The following PPFIBP2 variants were observed in gnomAD, a reference collection of about 807,000 sequenced individuals.
The protein encoded by PPFIBP2 is liprin-beta-2.
A neutral mutation model predicts 118.3 loss-of-function variants in PPFIBP2; 118 were observed. The observed-to-expected ratio is 1.00, with a 90% confidence interval of 0.86 to 1.16. The LOEUF is 1.16. PPFIBP2 is among the 50% of genes most tolerant of loss of function. The pLI is 0.00. For missense variants in PPFIBP2, 1,195 were observed against 1,073.1 expected, an observed-to-expected ratio of 1.11 and a Z score of -1.59; for synonymous variants, 414 against 397.4, an observed-to-expected ratio of 1.04 and a Z score of -0.50.
At chr11:7,516,543 GACA>G (rs1352992556) in intron 1 of PPFIBP2, among the ~76,000 whole-genome samples, 2 of 152,268 alleles carry the variant, frequency 1.3e-5, no homozygotes, top group Non-Finnish European at 2.9e-5. Flanking sequence ...CCTGCCAACA[GACA>G]ACATGAGGCG....
intron 1 of PPFIBP2, among the ~76,000 whole-genome samples, chr11:7,519,009 G>T (rs1025497099): frequency 2.6e-5 from 4 of 152,198 alleles, no homozygotes; most frequent in Non-Finnish European, 4.4e-5. Flanking sequence ...CTTCAGGAGA[G>T]GGCAGTGAGG....
At chr11:7,600,879 G>A (rs1049478054) in intron 5 of PPFIBP2, among the ~76,000 whole-genome samples, 1 of 152,188 alleles carries the variant, frequency 6.6e-6, no homozygotes, top group Non-Finnish European at 1.5e-5. Flanking sequence ...AATATTAGCA[G>A]CTAATTTAAG....
In PPFIBP2 at chr11:7,580,784, CAG is replaced by C. The variant is rs143404213; in HGVS notation, c.280-12347_280-12346del. Reference sequence around the variant, plus strand: ...ACCACATACAGGCTTTATGAGGACTCAGTAAGATAGTACGATTAGTGCAGTAT... The same window carrying C: ...ACCACATACAGGCTTTATGAGGACTCTAAGATAGTACGATTAGTGCAGTAT... On this transcript the variant is annotated intron_variant, in intron 3 of 23. Transcript: ENST00000299492. 3.5e-3 allele frequency among the ~76,000 whole-genome samples: 534 copies of C among 152,284 alleles called. 2 individuals carry two copies. The highest frequency in any genetic ancestry group is 5.2e-3 in the Non-Finnish European group (356 of 68,028).
chr11:7,632,749 T>C (rs1388340958), intron 11 of PPFIBP2, 118 bp from the exon 12 acceptor site: 3 of 755,972 alleles, frequency 4.0e-6, no homozygotes, highest in Non-Finnish European at 6.9e-6. Flanking sequence ...GTATCCACCA[T>C]GGCTGCACCC....
At chr11:7,665,148 C>T in the PPFIBP2 span, 4 of 428,170 alleles carry the variant, frequency 9.3e-6, no homozygotes, top group African/African-American at 2.0e-5. Context: ...GAGAAAGATA[C>T]TGAAATGGAG....
intron 5 of PPFIBP2, among the ~76,000 whole-genome samples, chr11:7,599,225 T>C (rs1042694484): frequency 6.6e-6 from 1 of 152,018 alleles, no homozygotes; most frequent in African/African-American, 2.4e-5. Flanking sequence ...TAGATTGTGT[T>C]TTCAAGTCTG....
At position 7,641,507 on chromosome 11, in the gene PPFIBP2, T is replaced by A. The variant is rs750956054; in HGVS notation, c.1404T>A (p.Thr468=). The A allele has an allele frequency of 9.3e-6, 15 of 1,613,804 alleles. No individual in the cohort carries two copies. The highest frequency in any genetic ancestry group is 1.3e-5 in the Non-Finnish European group (15 of 1,179,784). The change falls in exon 16 of 24, where the codon ACT becomes ACA. Residue 468 remains threonine, a synonymous_variant. Transcript: ENST00000299492. ...LRDTESGWDD[T]AVVNDLSSTS... ...ACACAGAAAGTGGCTGGGACGACAC[T>A]GCTGTGGTCAATGACCTCTCATCCA...
At chr11:7,657,553 G>A (rs1472614493), downstream of PPFIBP2, among the ~76,000 whole-genome samples, 1 of 152,160 alleles carries the variant, frequency 6.6e-6, no homozygotes, top group African/African-American at 2.4e-5. Context: ...CCAAGTGGAA[G>A]GCCCTTGAGC....
the PPFIBP2 span, chr11:7,665,939 C>T: frequency 6.5e-7 from 1 of 1,535,450 alleles, no homozygotes; most frequent in Non-Finnish European, 8.7e-7. Flanking sequence ...CGACCAGGGA[C>T]CTGTATGACA....
chr11:7,518,139 T>C (rs887028660), intron 1 of PPFIBP2, among the ~76,000 whole-genome samples: 5 of 152,240 alleles, frequency 3.3e-5, no homozygotes, highest in African/African-American at 1.2e-4. Context: ...TTTACTTTCC[T>C]CATCATGATT....
chr11:7,582,001 T>C (rs1857334386), intron 3 of PPFIBP2, among the ~76,000 whole-genome samples: 1 of 152,050 alleles, frequency 6.6e-6, no homozygotes, highest in Non-Finnish European at 1.5e-5. Flanking sequence ...CATGCCCAGC[T>C]AATTTTTTGT....
intron 1 of PPFIBP2, among the ~76,000 whole-genome samples, chr11:7,536,143 AG>A (rs763629804): frequency 6.6e-6 from 1 of 152,234 alleles, no homozygotes; most frequent in Non-Finnish European, 1.5e-5. Flanking sequence ...ACAGAGGTTA[AG>A]TGTCTTGCCC....
In PPFIBP2 at chr11:7,599,654, G is replaced by A. The variant is rs557123803; in HGVS notation, c.486+1981G>A. 2.9e-3 allele frequency among the ~76,000 whole-genome samples: 422 copies of A among 145,764 alleles called. 4 individuals carry two copies. The highest frequency in any genetic ancestry group is 0.017 in the South Asian group (77 of 4,598). On this transcript the variant is annotated intron_variant, in intron 5 of 23. Transcript: ENST00000299492. Reference sequence around the variant, plus strand: ...CTTTTTTTTTTTTTTTTTTTGAGACGGAGTCTTTCTCAGTTGCCCAGGCTG... The same window carrying A: ...CTTTTTTTTTTTTTTTTTTTGAGACAGAGTCTTTCTCAGTTGCCCAGGCTG...
chr11:7,597,469 G>T, intron 4 of PPFIBP2, 91 bp from the exon 5 acceptor site: 1 of 1,534,048 alleles, frequency 6.5e-7, no homozygotes, highest in South Asian at 1.2e-5. Flanking sequence ...AGAGTCAGTG[G>T]TGAGATTTAA....
intron 2 of PPFIBP2, 69 bp downstream of exon 2, chr11:7,549,608 A>AT: frequency 1.7e-5 from 18 of 1,047,350 alleles, no homozygotes; most frequent in South Asian, 1.4e-4. Flanking sequence ...CTCTCCTTTT[A>AT]CTTTTTTTTT....
chr11:7,666,020 GC>G, the PPFIBP2 span: 1 of 987,560 alleles, frequency 1.0e-6, no homozygotes, highest in Non-Finnish European at 1.5e-6. Flanking sequence ...TTGCTGGGAT[GC>G]TGTCTGGGCT....
chr11:7,624,401 C>T (rs1308717512), intron 7 of PPFIBP2, among the ~76,000 whole-genome samples: 3 of 152,236 alleles, frequency 2.0e-5, no homozygotes, highest in African/African-American at 4.8e-5. Context: ...GATCAGGGTG[C>T]GTGCTCAGTC....
chr11:7,578,103 G>T (rs530555672), intron 3 of PPFIBP2, among the ~76,000 whole-genome samples: 1 of 152,218 alleles, frequency 6.6e-6, no homozygotes, highest in Non-Finnish European at 1.5e-5. Context: ...CTGCATTTCC[G>T]GAGGAAAGCT....
chr11:7,597,926 C>T, intron 5 of PPFIBP2: 1 of 414,158 alleles, frequency 2.4e-6, no homozygotes, highest in Non-Finnish European at 4.4e-6. Flanking sequence ...GATTCCCAGA[C>T]AGCACTTTCT....
Sources: allele counts gnomAD v4.1 joint callset (sites outside exome capture counted in the v4.1 genomes callset), GRCh38; gene constraint gnomAD v4.1.1; transcripts MANE v1.5; gene names NCBI Gene and HGNC (gene_info 2026-07-23, HGNC 2026-07-21).